CLCN3: variants seen among roughly 807,000 people sequenced by gnomAD.
The protein encoded by CLCN3 is Cl-/H+ antiporter 3, also known as H(+)/Cl(-) exchange transporter 3.
In CLCN3, 16 loss-of-function variants were observed where a neutral mutation model predicts 83.4. The observed-to-expected ratio is 0.19, with a 90% CI of 0.13 to 0.29. The LOEUF is 0.29. Ranked by LOEUF, CLCN3 falls within the 10% of genes least tolerant of loss-of-function variation. The pLI is 1.00. For missense variants in CLCN3, 544 were observed against 1,006.0 expected (o/e 0.54, Z 6.21); for synonymous variants, 322 against 346.2 (o/e 0.93, Z 0.78).
chr4:169,672,722 G>A (rs771735994), intron 2 of CLCN3, among the ~76,000 whole-genome samples: 1 of 151,948 alleles, frequency 6.6e-6, no homozygotes, highest in Non-Finnish European at 1.5e-5. Context: ...AGAGTGCAGT[G>A]GTGCAATCTC....
chr4:169,648,864 T>C (rs1379055788), intron 2 of CLCN3, among the ~76,000 whole-genome samples: 1 of 151,986 alleles, frequency 6.6e-6, no homozygotes, highest in African/African-American at 2.4e-5. Flanking sequence ...CTGTCTCTAC[T>C]AAAAATACAA....
chr4:169,622,408 C>T (rs1297130505), intron 1 of CLCN3, among the ~76,000 whole-genome samples: 1 of 151,930 alleles, frequency 6.6e-6, no homozygotes, highest in East Asian at 1.9e-4. Flanking sequence ...TTTCAGACGG[C>T]TCAGGAAGCC....
At chr4:169,626,414 C>T (rs948561250) in intron 1 of CLCN3, among the ~76,000 whole-genome samples, 14 of 152,168 alleles carry the variant, frequency 9.2e-5, no homozygotes, top group African/African-American at 3.4e-4. Context: ...TGTGATTGGA[C>T]AAAAAGAGTA....
chr4:169,682,153 G>T (rs1383625178), intron 3 of CLCN3, among the ~76,000 whole-genome samples: 4 of 152,092 alleles, frequency 2.6e-5, no homozygotes, highest in African/African-American at 9.7e-5. Flanking sequence ...GTAACATTAT[G>T]CAGTGATCAT....
At chr4:169,705,377 G>A (rs1675462310) in intron 10 of CLCN3, among the ~76,000 whole-genome samples, 1 of 152,176 alleles carries the variant, frequency 6.6e-6, no homozygotes, top group African/African-American at 2.4e-5. Flanking sequence ...CCTGATTAAT[G>A]TCAGGATGAT....
intron 3 of CLCN3, among the ~76,000 whole-genome samples, chr4:169,683,530 G>A (rs1249372483): frequency 6.6e-6 from 1 of 152,082 alleles, no homozygotes; most frequent in Non-Finnish European, 1.5e-5. Context: ...TTTTCTCTGA[G>A]TATGTAAATG....
intron 9 of CLCN3, among the ~76,000 whole-genome samples, chr4:169,698,762 A>T (rs1481419315): frequency 6.6e-6 from 1 of 152,232 alleles, no homozygotes; most frequent in African/African-American, 2.4e-5. Context: ...CAAAAGTCTG[A>T]AACGGATCTC....
chr4:169,667,368 A>G (rs1731283589), intron 2 of CLCN3, among the ~76,000 whole-genome samples: 1 of 152,058 alleles, frequency 6.6e-6, no homozygotes, highest in African/African-American at 2.4e-5. Context: ...TAATTTTCCT[A>G]CAGGTAAATT....
chr4:169,672,400 G>A (rs1310617193), intron 2 of CLCN3, among the ~76,000 whole-genome samples: 2 of 151,602 alleles, frequency 1.3e-5, no homozygotes, highest in African/African-American at 2.4e-5. Flanking sequence ...TCAGCCTCCC[G>A]AAGTGCTGGG....
chr4:169,649,204 T>C (rs529527021), intron 2 of CLCN3, among the ~76,000 whole-genome samples: 1 of 152,096 alleles, frequency 6.6e-6, no homozygotes, highest in Non-Finnish European at 1.5e-5. Flanking sequence ...GGAAGGAACT[T>C]GGAGCGTTAG....
At chr4:169,641,759 C>T (rs1352987467) in intron 2 of CLCN3, among the ~76,000 whole-genome samples, 1 of 152,130 alleles carries the variant, frequency 6.6e-6, no homozygotes, top group Non-Finnish European at 1.5e-5. Flanking sequence ...GGGTACACAA[C>T]ACAAATACAG....
intron 2 of CLCN3, among the ~76,000 whole-genome samples, chr4:169,678,669 C>T (rs1315434049): frequency 2.0e-5 from 3 of 152,196 alleles, no homozygotes; most frequent in African/African-American, 4.8e-5. Flanking sequence ...GCACATCTTG[C>T]ACCGCCCTTA....
chr4:169,686,822 A>G (rs956271774), intron 3 of CLCN3, among the ~76,000 whole-genome samples: 1 of 152,174 alleles, frequency 6.6e-6, no homozygotes, highest in African/African-American at 2.4e-5. Context: ...GGTGAGACTT[A>G]CCTTCTTGTG....
At chr4:169,636,622 C>A (rs554818032) in intron 2 of CLCN3, among the ~76,000 whole-genome samples, 13 of 152,008 alleles carry the variant, frequency 8.6e-5, no homozygotes, top group African/African-American at 3.1e-4. Flanking sequence ...TCAAAATCAT[C>A]TATATTGTCG....
chr4:169,717,039 TC>T (rs1159554160), intron 12 of CLCN3, among the ~76,000 whole-genome samples: 1 of 152,200 alleles, frequency 6.6e-6, no homozygotes, highest in South Asian at 2.1e-4. Context: ...TAATTAGCAA[TC>T]TAATTATTTT....
chr4:169,713,019 A>C, intron 11 of CLCN3, 60 bp from the exon 12 acceptor site: 3 of 1,210,168 alleles, frequency 2.5e-6, no homozygotes, highest in Non-Finnish European at 3.6e-6. Flanking sequence ...CTGAATAAAC[A>C]GGTTGCCTAC....
chr4:169,668,537 G>A (rs911777037), intron 2 of CLCN3, among the ~76,000 whole-genome samples: 1 of 152,124 alleles, frequency 6.6e-6, no homozygotes, highest in African/African-American at 2.4e-5. Context: ...AGGCAGGGCT[G>A]GAATTTGACT....
chr4:169,660,550 C>T, intron 2 of CLCN3: 1 of 752,582 alleles, frequency 1.3e-6, no homozygotes, highest in South Asian at 5.2e-5. Flanking sequence ...TTAAATACTG[C>T]AGTACGTTGT....
chr4:169,693,425 T>C (rs943830794), intron 7 of CLCN3, among the ~76,000 whole-genome samples: 1 of 152,220 alleles, frequency 6.6e-6, no homozygotes, highest in Non-Finnish European at 1.5e-5. Context: ...CACAGTAATT[T>C]AGTAATATGG....
Sources: gnomAD v4.1 joint callset for allele counts (sites outside exome capture counted in the v4.1 genomes callset) on GRCh38, gnomAD v4.1.1 for gene constraint, MANE v1.5 for transcripts, NCBI Gene and HGNC (gene_info 2026-07-23, HGNC 2026-07-21) for gene names.